Variants in RAP1GAP2 observed in about 807,000 individuals in gnomAD.
The protein encoded by RAP1GAP2 is rap1 GTPase-activating protein 2.
RAP1GAP2 carries 27 observed loss-of-function variants against 95.0 expected under a neutral mutation model. The ratio of observed to expected loss-of-function variants is 0.28; its 90% CI spans 0.21 to 0.39. The LOEUF is 0.39. Ranked by LOEUF, RAP1GAP2 falls within the 10% of genes least tolerant of loss-of-function variation. RAP1GAP2 has a pLI of 1.00. For missense variants in RAP1GAP2, 771 were observed against 970.0 expected, an observed-to-expected ratio of 0.79 and a Z score of 2.72; for synonymous variants, 373 against 380.9, an observed-to-expected ratio of 0.98 and a Z score of 0.24.
intron 3 of RAP1GAP2, among the ~76,000 whole-genome samples, chr17:2,939,097 T>C (rs1414852402): frequency 6.6e-6 from 1 of 152,194 alleles, no homozygotes; most frequent in Non-Finnish European, 1.5e-5. Flanking sequence ...TTATTCTTTT[T>C]TTTTCTTTTT....
intron 3 of RAP1GAP2, among the ~76,000 whole-genome samples, chr17:2,909,648 C>T (rs1446939493): frequency 1.3e-5 from 2 of 152,230 alleles, no homozygotes; most frequent in African/African-American, 4.8e-5. Context: ...CGGAGCAGAG[C>T]AGCCTCAGGG....
chr17:2,832,204 CA>C (rs55912847), intron 2 of RAP1GAP2, among the ~76,000 whole-genome samples: 12 of 96,988 alleles, frequency 1.2e-4, no homozygotes, highest in Non-Finnish European at 3.7e-5. Flanking sequence ...ACTCTGTCTC[CA>C]AAAAAAAAAA....
At chr17:2,917,170 G>A (rs1426279086) in intron 3 of RAP1GAP2, among the ~76,000 whole-genome samples, 2 of 152,198 alleles carry the variant, frequency 1.3e-5, no homozygotes, top group Non-Finnish European at 2.9e-5. Flanking sequence ...GGACCCCTCT[G>A]AGGTTCTTCT....
At chr17:3,026,504 G>A in intron 21 of RAP1GAP2, 40 bp downstream of exon 21, 1 of 1,435,618 alleles carries the variant, frequency 7.0e-7, no homozygotes, top group Non-Finnish European at 9.4e-7. Context: ...GCACTCTGGG[G>A]CGTCAGCCAG....
intron 2 of RAP1GAP2, among the ~76,000 whole-genome samples, chr17:2,889,680 A>ATTTTT (rs66922781): frequency 2.8e-5 from 3 of 108,550 alleles, no homozygotes; most frequent in South Asian, 6.4e-4. Flanking sequence ...TCTGCGCTGG[A>ATTTTT]TTTTTTTTTT....
Position 2,807,400 on chromosome 17 carries a change from T to G in RAP1GAP2, c.80+6850T>G, listed in dbSNP as rs2069569355. On this transcript the variant is annotated intron_variant, in intron 2 of 24. Coordinates refer to ENST00000254695, the MANE Select transcript of RAP1GAP2 (RefSeq NM_015085.5). Reference sequence around the variant, plus strand: ...CACACCTAGGGCATCTGCTGAGAGTTTGCTGGGGTTGTCAAGGACAGGGGG... The same window carrying G: ...CACACCTAGGGCATCTGCTGAGAGTGTGCTGGGGTTGTCAAGGACAGGGGG... Among the ~76,000 whole-genome samples, 3 of 152,314 alleles carry G rather than the reference T, an allele frequency of 2.0e-5. No homozygotes were observed. The South Asian group carries it at 6.2e-4, about 32-fold the overall frequency.
At chr17:2,844,974 C>T (rs1457207048) in intron 2 of RAP1GAP2, among the ~76,000 whole-genome samples, 2 of 152,158 alleles carry the variant, frequency 1.3e-5, no homozygotes, top group African/African-American at 4.8e-5. Flanking sequence ...CTGCCAGTTT[C>T]TGCAGTCCAC....
At position 2,935,632 on chromosome 17, in the gene RAP1GAP2, C is replaced by T. The variant is rs375677434; in HGVS notation, c.166-22127C>T. ...AAATTAATTCTATAAATCCAGTACA[C>T]GTAGAGCCGGCAGACATTTGTCGTT... On this transcript the variant is annotated intron_variant, in intron 3 of 24. Transcript: ENST00000254695. Among the ~76,000 whole-genome samples the T allele has an allele frequency of 2.3e-3, 356 of 152,248 alleles. 3 individuals carry two copies. Among genetic ancestry groups the T allele is most frequent in the African/African-American group, 8.2e-3 (340 of 41,546 alleles).
chr17:2,937,355 C>G (rs1046350503), intron 3 of RAP1GAP2, among the ~76,000 whole-genome samples: 2 of 152,090 alleles, frequency 1.3e-5, no homozygotes, highest in Non-Finnish European at 2.9e-5. Flanking sequence ...TTTTCTGGAC[C>G]CTGGGATGCT....
intron 8 of RAP1GAP2, among the ~76,000 whole-genome samples, chr17:2,970,759 G>A (rs995994606): frequency 9.9e-5 from 15 of 152,024 alleles, no homozygotes; most frequent in African/African-American, 3.6e-4. Flanking sequence ...TAAAATCTTG[G>A]CTAGGCACAG....
At chr17:2,934,212 A>G (rs8076713) in intron 3 of RAP1GAP2, among the ~76,000 whole-genome samples, 5,980 of 152,066 alleles carry the variant, frequency 0.039, 245 homozygotes, top group African/African-American at 0.1. Flanking sequence ...GCTCACTGCA[A>G]CCTCTGCCTC....
intron 2 of RAP1GAP2, among the ~76,000 whole-genome samples, chr17:2,845,879 A>G (rs1054261145): frequency 1.3e-5 from 2 of 148,430 alleles, no homozygotes; most frequent in Non-Finnish European, 3.0e-5. Flanking sequence ...TAAATAAAAT[A>G]AAATAAAATA....
chr17:2,806,408 T>TATTATTA (rs1567664643), intron 2 of RAP1GAP2, among the ~76,000 whole-genome samples: 3 of 149,488 alleles, frequency 2.0e-5, no homozygotes, highest in Non-Finnish European at 1.5e-5. Context: ...TTATTATTAT[T>TATTATTA]TTGAGAGGGA....
At chr17:2,879,521 T>G (rs978546450) in intron 2 of RAP1GAP2, among the ~76,000 whole-genome samples, 7 of 148,870 alleles carry the variant, frequency 4.7e-5, no homozygotes, top group Admixed American at 4.0e-4. Context: ...AGATCAGGAG[T>G]TCAAGACCAG....
chr17:2,882,684 T>G (rs1282590483), intron 2 of RAP1GAP2, among the ~76,000 whole-genome samples: 1 of 152,200 alleles, frequency 6.6e-6, no homozygotes, highest in Non-Finnish European at 1.5e-5. Flanking sequence ...GTCTCCTTCC[T>G]GGAGAATGGG....
At chr17:2,908,934 G>C (rs754412483) in intron 3 of RAP1GAP2, among the ~76,000 whole-genome samples, 3 of 151,996 alleles carry the variant, frequency 2.0e-5, no homozygotes, top group Non-Finnish European at 2.9e-5. Flanking sequence ...TGAGACTCTT[G>C]GGTTCAAGCC....
intron 2 of RAP1GAP2, among the ~76,000 whole-genome samples, chr17:2,839,315 TA>T (rs558091869): frequency 0.022 from 3,146 of 144,768 alleles, 113 homozygotes; most frequent in African/African-American, 0.075. Context: ...GTCTTAATAA[TA>T]AAAAAAAAAA....
Position 3,027,061 on chromosome 17 carries a change from A to G in RAP1GAP2, c.2098A>G (p.Ser700Gly). 6.3e-7 allele frequency: 1 copy of G among 1,579,588 alleles called. No individual in the cohort carries two copies. Among genetic ancestry groups the G allele is most frequent in the Non-Finnish European group, 8.6e-7 (1 of 1,163,112 alleles). The change falls in exon 22 of 25, where the codon AGT (serine) becomes GGT (glycine). Residue 700 changes from serine (S) to glycine (G), a missense_variant. By Grantham distance (56) the Ser-to-Gly change is moderately conservative. Transcript: ENST00000254695. This position sits in a 1 kb window ranked among gnomAD's most constrained non-coding sequence, Gnocchi z 5.2. ...AAATPIIMSR[S>G]PTDAKSRNSP... is the part of the protein sequence containing the mutation. Reference sequence around the variant, plus strand: ...TGCCACCCCGATCATCATGAGCCGGAGTCCCACAGGTCAGTGGCATCTGGT... The same window carrying G: ...TGCCACCCCGATCATCATGAGCCGGGGTCCCACAGGTCAGTGGCATCTGGT...
rs192563367 is a variant in RAP1GAP2, at chr17:2,904,320, G to A, written c.81-964G>A. Among the ~76,000 whole-genome samples, 3 of 152,224 alleles carry A rather than the reference G, an allele frequency of 2.0e-5. No homozygotes were observed. Among genetic ancestry groups the A allele is most frequent in the East Asian group, 1.9e-4 (1 of 5,162 alleles). ...AAACCGTCTGCTTGGTGATGGGACC[G>A]CACACAGCACTCCCCGGTCACCAGC... On this transcript the variant is annotated intron_variant, in intron 2 of 24. Transcript: ENST00000254695. This position sits in a 1 kb window ranked among gnomAD's most constrained non-coding sequence, Gnocchi z 4.7.
Sources: allele counts gnomAD v4.1 joint callset (sites outside exome capture counted in the v4.1 genomes callset), GRCh38; gene constraint gnomAD v4.1.1; non-coding constraint Gnocchi (gnomAD v3.1); transcripts MANE v1.5; gene names NCBI Gene and HGNC (gene_info 2026-07-23, HGNC 2026-07-21).